Variants in CIMIP7 observed in about 807,000 individuals in gnomAD.
CIMIP7 encodes ciliary microtubule inner protein 7.
At chr3:49,190,050 G>A in the CIMIP7 span, 7 of 1,613,716 alleles carry the variant, frequency 4.3e-6, no homozygotes, top group Non-Finnish European at 4.2e-6. Flanking sequence ...GAACACTGCT[G>A]GAGGCTGGGG....
the CIMIP7 span, among the ~76,000 whole-genome samples, chr3:49,184,303 A>G: frequency 6.6e-6 from 1 of 152,132 alleles, no homozygotes; most frequent in African/African-American, 2.4e-5. Flanking sequence ...CCAGCTTTAT[A>G]TAACATTTCA....
chr3:49,191,673 G>A, the CIMIP7 span: 124 of 1,514,992 alleles, frequency 8.2e-5, no homozygotes, highest in East Asian at 1.6e-4. Context: ...TCACTTCACC[G>A]GCATGACTCA....
chr3:49,177,733 A>G, the CIMIP7 span: 2 of 1,609,654 alleles, frequency 1.2e-6, no homozygotes, highest in Non-Finnish European at 1.7e-6. Flanking sequence ...GATCCCTGGG[A>G]GGTCAGGCAG....
the CIMIP7 span, chr3:49,178,069 G>A: frequency 6.4e-7 from 1 of 1,556,570 alleles, no homozygotes; most frequent in Admixed American, 1.9e-5. Flanking sequence ...AACGGTATGG[G>A]CCCTTGGCCC....
chr3:49,184,867 C>T, the CIMIP7 span, among the ~76,000 whole-genome samples: 9 of 151,066 alleles, frequency 6.0e-5, no homozygotes, highest in African/African-American at 2.2e-4. Flanking sequence ...TGGCCTTAAG[C>T]AATCCACCCA....
chr3:49,180,515 G>C, the CIMIP7 span, among the ~76,000 whole-genome samples: 1 of 152,210 alleles, frequency 6.6e-6, no homozygotes, highest in Non-Finnish European at 1.5e-5. Context: ...GGTGAGGTCA[G>C]GCTTGGCTGG....
At chr3:49,190,751 C>T in the CIMIP7 span, among the ~76,000 whole-genome samples, 1 of 149,948 alleles carries the variant, frequency 6.7e-6, no homozygotes, top group Non-Finnish European at 1.5e-5. Context: ...TCACTGCAAC[C>T]TCTGCCTCCC....
chr3:49,182,716 G>T, the CIMIP7 span, among the ~76,000 whole-genome samples: 8 of 152,214 alleles, frequency 5.3e-5, no homozygotes, highest in Non-Finnish European at 8.8e-5. Flanking sequence ...GGAGCAGGGG[G>T]CGGCGCTTGT....
At chr3:49,185,679 A>C in the CIMIP7 span, among the ~76,000 whole-genome samples, 1 of 152,062 alleles carries the variant, frequency 6.6e-6, no homozygotes, top group African/African-American at 2.4e-5. Context: ...CAGGTGATAA[A>C]ATTTTAAAGC....
At chr3:49,182,219 C>T in the CIMIP7 span, among the ~76,000 whole-genome samples, 1 of 152,234 alleles carries the variant, frequency 6.6e-6, no homozygotes, top group Non-Finnish European at 1.5e-5. Context: ...GTTGCCACTG[C>T]TGGCTGGGGC....
At chr3:49,183,166 G>A in the CIMIP7 span, among the ~76,000 whole-genome samples, 5 of 152,296 alleles carry the variant, frequency 3.3e-5, no homozygotes, top group Non-Finnish European at 4.4e-5. Context: ...CTGCCAGCAC[G>A]CTGTCACCTC....
At chr3:49,191,306 C>T in the CIMIP7 span, among the ~76,000 whole-genome samples, 1 of 152,198 alleles carries the variant, frequency 6.6e-6, no homozygotes, top group Non-Finnish European at 1.5e-5. Flanking sequence ...TGTCAGGAAC[C>T]CCTCACTCTC....
At chr3:49,186,171 G>C in the CIMIP7 span, among the ~76,000 whole-genome samples, 1 of 145,586 alleles carries the variant, frequency 6.9e-6, no homozygotes, top group Non-Finnish European at 1.5e-5. Context: ...GGCTAATTTT[G>C]TATTTTTAGT....
the CIMIP7 span, among the ~76,000 whole-genome samples, chr3:49,179,746 C>T: frequency 1.3e-5 from 2 of 152,220 alleles, no homozygotes; most frequent in East Asian, 1.9e-4. Context: ...CGCCATTAAA[C>T]ATAAGCTGCT....
At chr3:49,184,680 G>A in the CIMIP7 span, among the ~76,000 whole-genome samples, 1 of 148,786 alleles carries the variant, frequency 6.7e-6, no homozygotes, top group Admixed American at 6.7e-5. Context: ...CTAGGCCGGA[G>A]TGCAGTGGCG....
chr3:49,188,353 T>C, the CIMIP7 span, among the ~76,000 whole-genome samples: 2 of 152,212 alleles, frequency 1.3e-5, no homozygotes, highest in Non-Finnish European at 2.9e-5. Context: ...GTACCTGTTT[T>C]AGGCACCCCT....
chr3:49,180,209 G>C, the CIMIP7 span, among the ~76,000 whole-genome samples: 1 of 152,302 alleles, frequency 6.6e-6, no homozygotes, highest in African/African-American at 2.4e-5. Context: ...CTGGGAGGCA[G>C]AGGTTGCAGT....
At chr3:49,183,669 A>G in the CIMIP7 span, among the ~76,000 whole-genome samples, 289 of 152,314 alleles carry the variant, frequency 1.9e-3, 3 homozygotes, top group African/African-American at 6.4e-3. Context: ...ACAAAACAAA[A>G]CAACAAAAAC....
At chr3:49,186,716 C>T in the CIMIP7 span, among the ~76,000 whole-genome samples, 1 of 152,156 alleles carries the variant, frequency 6.6e-6, no homozygotes, top group Non-Finnish European at 1.5e-5. Flanking sequence ...AGCCACCACG[C>T]CCCGCCCATA....
Sources: allele counts gnomAD v4.1 joint callset (sites outside exome capture counted in the v4.1 genomes callset), GRCh38; gene constraint gnomAD v4.1.1; transcripts MANE v1.5; gene names NCBI Gene and HGNC (gene_info 2026-07-23, HGNC 2026-07-21).